The following GSS variants were observed in gnomAD, a reference collection of about 807,000 sequenced individuals.
The protein encoded by GSS is GSH synthetase.
A neutral mutation model predicts 60.4 loss-of-function variants in GSS; 34 were observed. The ratio of observed to expected loss-of-function variants is 0.56; its 90% CI spans 0.43 to 0.75. The LOEUF (loss-of-function observed/expected upper bound fraction) is 0.75, where lower values mean the gene tolerates loss of function less well. GSS is among the 30% of genes least tolerant of loss of function. The probability of loss-of-function intolerance (pLI) is 0.00; values close to 1 mark genes in which losing one functional copy is unlikely to be tolerated. For synonymous variants in GSS, 224 were observed against 239.0 expected, an observed-to-expected ratio of 0.94 and a Z score of 0.58; for missense variants, 499 against 595.1, an observed-to-expected ratio of 0.84 and a Z score of 1.68.
Position 34,938,083 on chromosome 20 carries a change from C to T in GSS, c.609-1060G>A, listed in dbSNP as rs2081454611. The stretch of plus-strand genomic sequence containing the variant: ...ATGTTGGCCAGGCTGGGCTCGAACT[C>T]CTGACCTCAGGTGATCTGCCCGCCT... On this transcript the variant is annotated intron_variant, in intron 6 of 12. Transcript: ENST00000651619. Among the ~76,000 whole-genome samples, 4 of 152,242 alleles carry T rather than the reference C, an allele frequency of 2.6e-5. No individual in the cohort carries two copies. The South Asian group carries it at 8.3e-4, about 32-fold the overall frequency.
rs748516498 is a variant in GSS at position 34,936,923 on chromosome 20, G to C, written c.689+20C>G. ...CCTAATCCTGGAGCCACACCTAGAA[G>C]TCCCCCTTCCTTTACTTACCTGGCC... is the stretch of plus-strand genomic sequence containing the variant. On this transcript the variant is annotated intron_variant, in intron 7 of 12. Coordinates refer to ENST00000651619, the MANE Select transcript of GSS (RefSeq NM_000178.4). The C allele has an allele frequency of 7.5e-6, 12 of 1,607,962 alleles. No individual in the cohort carries two copies. Among genetic ancestry groups the C allele is most frequent in the Non-Finnish European group, 1.0e-5 (12 of 1,174,398 alleles).
At chr20:34,944,654 T>C (rs943375200) in intron 3 of GSS, among the ~76,000 whole-genome samples, 1 of 152,228 alleles carries the variant, frequency 6.6e-6, no homozygotes, top group Non-Finnish European at 1.5e-5. Flanking sequence ...AAGATTTGCA[T>C]ATACGTAATG....
chr20:34,930,626 CTG>C (rs1256046508), intron 11 of GSS, among the ~76,000 whole-genome samples: 6 of 152,186 alleles, frequency 3.9e-5, no homozygotes, highest in South Asian at 2.1e-4. Context: ...AATGCAGAAA[CTG>C]TAAGTTTTGC....
intron 3 of GSS, among the ~76,000 whole-genome samples, chr20:34,944,941 C>T (rs951924119): frequency 4.6e-5 from 7 of 152,048 alleles, no homozygotes; most frequent in African/African-American, 1.7e-4. Flanking sequence ...AGTATATACA[C>T]ATCTAGCATG....
In GSS at chr20:34,930,533, G is replaced by T. The variant is rs34158986; in HGVS notation, c.1111+803C>A. 7.9e-5 allele frequency among the ~76,000 whole-genome samples: 12 copies of T among 151,970 alleles called. No individual in the cohort carries two copies. The East Asian group carries it at 1.9e-3, about 24-fold the overall frequency. On this transcript the variant is annotated intron_variant, in intron 11 of 12. Transcript: ENST00000651619. Reference sequence around the variant, plus strand: ...TCATAGCCCTAGCCCAGGCCTCTACGTTGCTCTTCTGAACAACTGTATCAG... The same window carrying T: ...TCATAGCCCTAGCCCAGGCCTCTACTTTGCTCTTCTGAACAACTGTATCAG...
At position 34,929,889 on chromosome 20, in the gene GSS, G is replaced by T. The variant is rs373764167; in HGVS notation, c.1112-299C>A. 2.0e-5 allele frequency among the ~76,000 whole-genome samples: 3 copies of T among 152,104 alleles called. No individual in the cohort carries two copies. The East Asian group carries it at 5.8e-4, about 29-fold the overall frequency. ...TAAATGCTGGGGTCCCAGGGGAATT[G>T]GTCCTCCACGCTTGCTCTCTCCCCC... On this transcript the variant is annotated intron_variant, in intron 11 of 12. Transcript: ENST00000651619.
intron 8 of GSS, 97 bp downstream of exon 8, chr20:34,936,666 C>T (rs2081442817): frequency 1.1e-6 from 1 of 935,670 alleles, no homozygotes; most frequent in African/African-American, 1.6e-5. Context: ...AGGAAGCAAG[C>T]CATCACATCT....
At chr20:34,933,089 A>G (rs2081414876) in intron 9 of GSS, among the ~76,000 whole-genome samples, 1 of 151,934 alleles carries the variant, frequency 6.6e-6, no homozygotes. Context: ...CATGCAATCC[A>G]CCTACCTAGG....
intron 1 of GSS, among the ~76,000 whole-genome samples, chr20:34,953,815 C>G (rs1185709443): frequency 6.6e-6 from 1 of 152,090 alleles, no homozygotes; most frequent in Non-Finnish European, 1.5e-5. Context: ...CGGGGTTTCA[C>G]CGTGTTAGCC....
intron 1 of GSS, chr20:34,952,793 T>C (rs2081580065): frequency 6.6e-6 from 1 of 152,186 alleles, no homozygotes; most frequent in African/African-American, 2.4e-5. Flanking sequence ...ACATTATTAA[T>C]TCCCTTCAAG....
chr20:34,943,960 G>C (rs2081503423), intron 3 of GSS, among the ~76,000 whole-genome samples: 1 of 152,156 alleles, frequency 6.6e-6, no homozygotes. Context: ...TGAGATTCAG[G>C]GTGGATTCTG....
rs1159069803 is a variant in GSS, at chr20:34,931,986, C to T, written c.982G>A (p.Val328Met). The T allele has an allele frequency of 2.2e-5, 35 of 1,614,222 alleles. No individual in the cohort carries two copies. Among genetic ancestry groups the T allele is most frequent in the Non-Finnish European group, 2.9e-5 (34 of 1,180,046 alleles). ...GCAAAGGTGGCGCGGAGGCGGGCCA[C>T]AGCCTCAGGCTGGCCAGGGAGCAAC... ...EMLLPGQPEA[V>M]ARLRATFAGL... The change falls in exon 10 of 13, where the codon GTG becomes ATG. Residue 328 changes from valine (V) to methionine (M), a missense_variant. Transcript: ENST00000651619.
chr20:34,946,046 A>T lies in GSS; in HGVS notation c.182T>A (p.Leu61Gln), dbSNP rs775874541. 2.5e-6 allele frequency: 4 copies of T among 1,613,506 alleles called. No individual in the cohort carries two copies. The Admixed American group carries it at 6.7e-5, about 27-fold the overall frequency. Residue 61 changes from leucine (L) to glutamine (Q), a missense_variant, in exon 3 of 13, where the codon CTG (leucine) becomes CAG (glutamine). Leu to Gln is a moderately radical substitution (Grantham distance 113). Transcript: ENST00000651619. ...CTGCACAGCATAGGCTTGCTCCAGCAGGGCACTGGGGACCAGTGAGGGGAA... is the reference window on the plus strand; with the variant it reads ...CTGCACAGCATAGGCTTGCTCCAGCTGGGCACTGGGGACCAGTGAGGGGAA... Reference protein sequence around the residue: ...TLFPSLVPSALLEQAYAVQMD... With the variant: ...TLFPSLVPSAQLEQAYAVQMD...
chr20:34,932,515 T>G (rs1408494932), intron 9 of GSS, among the ~76,000 whole-genome samples: 1 of 152,138 alleles, frequency 6.6e-6, no homozygotes, highest in Non-Finnish European at 1.5e-5. Flanking sequence ...TCTGCCATTC[T>G]ACTCACACAG....
At chr20:34,934,552 T>C (rs1003295014) in intron 9 of GSS, among the ~76,000 whole-genome samples, 1 of 152,188 alleles carries the variant, frequency 6.6e-6, no homozygotes, top group Non-Finnish European at 1.5e-5. Flanking sequence ...GCTGGGATTA[T>C]AGGCGTGAAC....
intron 11 of GSS, among the ~76,000 whole-genome samples, chr20:34,931,089 C>A (rs1260920527): frequency 6.6e-6 from 1 of 152,226 alleles, no homozygotes; most frequent in Non-Finnish European, 1.5e-5. Context: ...CTCTACTTCC[C>A]AACAATCTAC....
chr20:34,941,141 G>A (rs1382113057), intron 6 of GSS, among the ~76,000 whole-genome samples: 1 of 152,164 alleles, frequency 6.6e-6, no homozygotes. Flanking sequence ...CGGATCACGA[G>A]GTCAGGAGTT....
At position 34,936,733 on chromosome 20, in the gene GSS, G is replaced by A. The variant is rs201563117; in HGVS notation, c.767+30C>T. ...GTGGCAGGATGAGTTTCATAAACCA[G>A]CCTTCCACTGGATTCTTGGGAATGC... On this transcript the variant is annotated intron_variant, in intron 8 of 12. Transcript: ENST00000651619. 56 of 1,490,606 alleles carry A rather than the reference G, an allele frequency of 3.8e-5. 1 individual carries two copies. In the Middle Eastern group the frequency reaches 1.4e-3, roughly 37 times the overall value. 92.3% of individuals were successfully genotyped at this position (1,490,606 alleles called of 1,614,324 possible). A position where few individuals can be genotyped will look rare whatever the true frequency, so the allele number is the denominator to read the frequency against.
chr20:34,928,890 C>T lies in GSS; in HGVS notation c.1363G>A (p.Glu455Lys), dbSNP rs746700455. The T allele has an allele frequency of 1.7e-5, 27 of 1,613,760 alleles. No individual in the cohort carries two copies. The highest frequency in any genetic ancestry group is 5.5e-5 in the South Asian group (5 of 91,076). ...VGHLLRTKAI[E>K]HADGGVAAGV... ...GCTGCCACACCACCATCTGCATGCT[C>T]GATGGCTTTGGTTCGAAGTAGATGC... Residue 455 changes from glutamate (E) to lysine (K), a missense_variant, in exon 13 of 13, where the codon GAG becomes AAG. Glu to Lys is a moderately conservative substitution (Grantham distance 56). Transcript: ENST00000651619.
Sources: gnomAD v4.1 joint callset for allele counts (sites outside exome capture counted in the v4.1 genomes callset) on GRCh38, gnomAD v4.1.1 for gene constraint, MANE v1.5 for transcripts, NCBI Gene and HGNC (gene_info 2026-07-23, HGNC 2026-07-21) for gene names.